Variants in SBF2 observed in about 807,000 individuals in gnomAD.
The protein encoded by SBF2 is myotubularin-related protein 13.
Under a neutral mutation model 225.2 loss-of-function variants are expected in SBF2, and 112 were observed. The observed-to-expected ratio is 0.50, with a 90% CI of 0.43 to 0.58. SBF2 has a LOEUF of 0.58. Ranked by LOEUF, SBF2 falls within the 20% of genes least tolerant of loss-of-function variation. The probability of loss-of-function intolerance (pLI) is 0.00; values close to 1 mark genes in which losing one functional copy is unlikely to be tolerated. For missense variants in SBF2, 1,996 were observed against 2,206.2 expected, an observed-to-expected ratio of 0.90 and a Z score of 1.91; for synonymous variants, 763 against 773.3, an observed-to-expected ratio of 0.99 and a Z score of 0.22.
intron 1 of SBF2, among the ~76,000 whole-genome samples, chr11:10,286,351 G>GT (rs34975719): frequency 0.013 from 1,817 of 142,550 alleles, 20 homozygotes; most frequent in Middle Eastern, 0.033. Flanking sequence ...TTGTTCTTTG[G>GT]TTTTTTTTTT....
intron 6 of SBF2, chr11:10,017,104 A>G (rs895296484): frequency 3.3e-5 from 5 of 152,214 alleles, no homozygotes; most frequent in Non-Finnish European, 5.9e-5. Flanking sequence ...ATTCTGAAAG[A>G]TGGCTTCCTG....
intron 17 of SBF2, among the ~76,000 whole-genome samples, chr11:9,890,267 C>T (rs982287523): frequency 2.6e-5 from 4 of 152,066 alleles, no homozygotes; most frequent in Non-Finnish European, 5.9e-5. Context: ...TAAAATTAGA[C>T]TGTGGTGATG....
chr11:10,012,799 G>C (rs1256813105), intron 6 of SBF2, among the ~76,000 whole-genome samples: 1 of 147,880 alleles, frequency 6.8e-6, no homozygotes, highest in Non-Finnish European at 1.5e-5. Context: ...TTTTTTCTTT[G>C]AGAGGGTGCT....
chr11:10,092,760 T>C lies in SBF2; in HGVS notation c.142-49779A>G, dbSNP rs1223603544. On this transcript the variant is annotated intron_variant, in intron 2 of 39. Coordinates refer to ENST00000256190, the MANE Select transcript of SBF2 (RefSeq NM_030962.4). ...GATGACACATACACACGCATTTAAA[T>C]TCAAGAGTTAACTAATGGAGCTTGA... Among the ~76,000 whole-genome samples the C allele has an allele frequency of 2.0e-5, 3 of 152,288 alleles. No homozygotes were observed. In the East Asian group the frequency reaches 5.8e-4, roughly 29 times the overall value.
chr11:9,790,785 T>C (rs1852692526), intron 33 of SBF2, 102 bp from the exon 34 acceptor site: 1 of 926,388 alleles, frequency 1.1e-6, no homozygotes, highest in Non-Finnish European at 1.7e-6. Flanking sequence ...ATATTTTTTA[T>C]GGCTTTAAAA....
intron 1 of SBF2, among the ~76,000 whole-genome samples, chr11:10,200,184 T>C (rs1957522337): frequency 6.6e-6 from 1 of 152,190 alleles, no homozygotes. Flanking sequence ...AGTTCCACCA[T>C]TCCATCCTGG....
intron 12 of SBF2, among the ~76,000 whole-genome samples, chr11:9,990,187 G>C (rs989711267): frequency 1.3e-5 from 2 of 152,000 alleles, no homozygotes; most frequent in African/African-American, 4.8e-5. Context: ...AAAAAATTGT[G>C]GGGGGGTAAA....
At chr11:9,906,792 G>C (rs1041279281) in intron 16 of SBF2, among the ~76,000 whole-genome samples, 7 of 152,152 alleles carry the variant, frequency 4.6e-5, no homozygotes, top group African/African-American at 1.4e-4. Flanking sequence ...GCAAGGTCTT[G>C]AATACTGATA....
At chr11:10,076,212 A>G (rs1235382403) in intron 2 of SBF2, among the ~76,000 whole-genome samples, 1 of 152,192 alleles carries the variant, frequency 6.6e-6, no homozygotes, top group African/African-American at 2.4e-5. Context: ...CCGTGACCCT[A>G]CTGAGAGCTA....
At chr11:10,279,124 A>AG (rs1963210395) in intron 1 of SBF2, among the ~76,000 whole-genome samples, 1 of 149,456 alleles carries the variant, frequency 6.7e-6, no homozygotes. Flanking sequence ...AAAAAAAAAA[A>AG]AAAAAAGCCA....
chr11:9,946,928 G>C (rs1014047265), intron 16 of SBF2, among the ~76,000 whole-genome samples: 1 of 152,172 alleles, frequency 6.6e-6, no homozygotes, highest in Admixed American at 6.5e-5. Flanking sequence ...GTATAATAAA[G>C]ACTTGCAGAA....
intron 17 of SBF2, among the ~76,000 whole-genome samples, chr11:9,864,080 T>C (rs773542690): frequency 6.6e-6 from 1 of 152,220 alleles, no homozygotes; most frequent in Non-Finnish European, 1.5e-5. Context: ...AGAAAGAGAA[T>C]GGCCTATAAG....
intron 16 of SBF2, among the ~76,000 whole-genome samples, chr11:9,944,416 A>G (rs989629344): frequency 2.0e-5 from 3 of 152,238 alleles, no homozygotes; most frequent in African/African-American, 7.2e-5. Flanking sequence ...AGGTCATACA[A>G]TGACTACTAG....
In SBF2 at chr11:9,934,025, T is replaced by A. The variant is rs537984379; in HGVS notation, c.1860+27932A>T. The stretch of plus-strand genomic sequence containing the variant: ...TGAACCTGGGAGGCGGAGCTTGCAG[T>A]GAGCTGAGATTGTGCCATGGCACTC... On this transcript the variant is annotated intron_variant, in intron 16 of 39. Coordinates refer to ENST00000256190, the MANE Select transcript of SBF2 (RefSeq NM_030962.4). 2.6e-5 allele frequency among the ~76,000 whole-genome samples: 4 copies of A among 152,110 alleles called. No homozygotes were observed. The East Asian group carries it at 7.7e-4, about 29-fold the overall frequency.
chr11:10,070,676 T>A (rs943572264), intron 2 of SBF2, among the ~76,000 whole-genome samples: 1 of 152,156 alleles, frequency 6.6e-6, no homozygotes, highest in East Asian at 1.9e-4. Flanking sequence ...TTTAAAATAG[T>A]TTTTTTCCAA....
At chr11:9,943,909 C>T (rs1031811046) in intron 16 of SBF2, among the ~76,000 whole-genome samples, 1 of 152,182 alleles carries the variant, frequency 6.6e-6, no homozygotes, top group African/African-American at 2.4e-5. Context: ...TGCACAAGTG[C>T]ATCAGGAGAC....
intron 2 of SBF2, among the ~76,000 whole-genome samples, chr11:10,063,852 C>CAGAGAGAGAG (rs1156450605): frequency 7.5e-6 from 1 of 132,548 alleles, no homozygotes; most frequent in African/African-American, 2.8e-5. Context: ...CACACACACA[C>CAGAGAGAGAG]ACACACAGAG....
chr11:9,822,369 T>A (rs1854809234), intron 28 of SBF2, among the ~76,000 whole-genome samples: 1 of 151,228 alleles, frequency 6.6e-6, no homozygotes, highest in South Asian at 2.1e-4. Flanking sequence ...CAAGCCATTC[T>A]CCTGCCTCAG....
At chr11:10,153,879 T>G (rs956281808) in intron 2 of SBF2, among the ~76,000 whole-genome samples, 1 of 152,160 alleles carries the variant, frequency 6.6e-6, no homozygotes, top group Non-Finnish European at 1.5e-5. Flanking sequence ...CATTTGTTAA[T>G]ATGCTTATTC....
Sources: allele counts gnomAD v4.1 joint callset (sites outside exome capture counted in the v4.1 genomes callset), GRCh38; gene constraint gnomAD v4.1.1; transcripts MANE v1.5; gene names NCBI Gene and HGNC (gene_info 2026-07-23, HGNC 2026-07-21).